The following HSD17B4 variants were observed in gnomAD, a reference collection of about 807,000 sequenced individuals.
HSD17B4 encodes the protein peroxisomal multifunctional enzyme type 2.
Under a neutral mutation model 101.0 loss-of-function variants are expected in HSD17B4, and 70 were observed. The ratio of observed to expected loss-of-function variants is 0.69; its 90% CI spans 0.57 to 0.85. The LOEUF (loss-of-function observed/expected upper bound fraction) is 0.85, where lower values mean the gene tolerates loss of function less well. HSD17B4 is among the 40% of genes least tolerant of loss of function. The pLI, the probability that HSD17B4 is intolerant of heterozygous loss-of-function variation, is 0.00. For missense variants in HSD17B4, 984 were observed against 892.4 expected, an observed-to-expected ratio of 1.10 and a Z score of -1.31; for synonymous variants, 347 against 297.1, an observed-to-expected ratio of 1.17 and a Z score of -1.73.
chr5:119,472,244 T>A (rs1274085146), intron 2 of HSD17B4, among the ~76,000 whole-genome samples: 2 of 152,352 alleles, frequency 1.3e-5, no homozygotes, highest in East Asian at 3.9e-4. Context: ...AAATCACCAT[T>A]CTTATACATA....
chr5:119,511,807 T>C (rs1483504696), intron 16 of HSD17B4, among the ~76,000 whole-genome samples: 2 of 152,340 alleles, frequency 1.3e-5, no homozygotes, highest in African/African-American at 4.8e-5. Context: ...TCTAGAGTTG[T>C]TATAATCTAT....
intron 22 of HSD17B4, chr5:119,535,885 A>G (rs370824891): frequency 1.2e-5 from 2 of 163,896 alleles, no homozygotes; most frequent in African/African-American, 2.4e-5. Flanking sequence ...TTTGTAAAGT[A>G]TATATCTTAA....
At chr5:119,493,106 C>A (rs953958864) in intron 10 of HSD17B4, 12 of 152,224 alleles carry the variant, frequency 7.9e-5, no homozygotes, top group African/African-American at 2.9e-4. Context: ...AATAGGAAAG[C>A]TCTAGACACA....
chr5:119,496,399 A>G, intron 11 of HSD17B4, 144 bp from the exon 12 acceptor site: 3 of 643,732 alleles, frequency 4.7e-6, no homozygotes, highest in Non-Finnish European at 2.8e-6. Context: ...ATAGCCTGAC[A>G]TACATTCAGT....
intron 21 of HSD17B4, 85 bp from the exon 22 acceptor site, chr5:119,531,180 CT>C (rs1754061055): frequency 3.4e-5 from 47 of 1,382,780 alleles, no homozygotes; most frequent in Middle Eastern, 1.9e-4. Flanking sequence ...TTTAAAAAAT[CT>C]TTTTTTTGCA....
intron 2 of HSD17B4, among the ~76,000 whole-genome samples, chr5:119,458,537 T>G (rs116613975): frequency 0.1 from 15,343 of 148,958 alleles, 1,054 homozygotes; most frequent in African/African-American, 0.19. Context: ...TAAGTAAAGA[T>G]GCGGTTTCAC....
intron 6 of HSD17B4, chr5:119,476,671 G>T: frequency 1.0e-6 from 1 of 985,510 alleles, no homozygotes; most frequent in South Asian, 4.7e-5. Flanking sequence ...GATAGGATTT[G>T]CTGGCAAAGG....
intron 14 of HSD17B4, among the ~76,000 whole-genome samples, chr5:119,503,945 T>C (rs1751425740): frequency 6.6e-6 from 1 of 152,004 alleles, no homozygotes; most frequent in South Asian, 2.1e-4. Flanking sequence ...CTCCCTACTC[T>C]AGTAGTCCCC....
intron 2 of HSD17B4, chr5:119,472,675 C>T (rs1199059534): frequency 6.6e-6 from 1 of 152,260 alleles, no homozygotes; most frequent in Non-Finnish European, 1.5e-5. Context: ...CTCAGGTGAT[C>T]CACCCGCCTC....
intron 1 of HSD17B4, 180 bp downstream of exon 1, chr5:119,452,813 C>T: frequency 3.3e-6 from 5 of 1,537,494 alleles, no homozygotes; most frequent in Middle Eastern, 1.7e-4. Flanking sequence ...CACCTGGTCT[C>T]TCAAGCAGGT....
At chr5:119,508,162 C>T (rs1217412819) in intron 15 of HSD17B4, among the ~76,000 whole-genome samples, 2 of 151,786 alleles carry the variant, frequency 1.3e-5, no homozygotes, top group Admixed American at 1.3e-4. Context: ...CAGATGTTGG[C>T]CAACACTTGG....
At chr5:119,452,767 A>G in intron 1 of HSD17B4, 134 bp downstream of exon 1, 1 of 1,571,462 alleles carries the variant, frequency 6.4e-7, no homozygotes, top group South Asian at 1.1e-5. Flanking sequence ...GTTATTCTTG[A>G]GGCACCGCAT....
intron 2 of HSD17B4, among the ~76,000 whole-genome samples, chr5:119,465,933 C>T (rs1483365270): frequency 6.6e-6 from 1 of 152,092 alleles, no homozygotes; most frequent in Non-Finnish European, 1.5e-5. Context: ...CAGCTGTTCC[C>T]TGTTGAGTGT....
At chr5:119,534,450 C>G (rs1479603716) in intron 22 of HSD17B4, among the ~76,000 whole-genome samples, 1 of 151,902 alleles carries the variant, frequency 6.6e-6, no homozygotes, top group South Asian at 2.1e-4. Flanking sequence ...TATTTTGAAT[C>G]TTAGACATTT....
At chr5:119,527,654 CA>C (rs1448097333) in intron 20 of HSD17B4, among the ~76,000 whole-genome samples, 1 of 151,886 alleles carries the variant, frequency 6.6e-6, no homozygotes, top group East Asian at 1.9e-4. Context: ...TATGATAAAA[CA>C]TGTTCGAAAA....
intron 6 of HSD17B4, 35 bp from the exon 7 acceptor site, chr5:119,477,382 A>G (rs1210541720): frequency 7.0e-7 from 1 of 1,436,072 alleles, no homozygotes; most frequent in Non-Finnish European, 9.7e-7. Context: ...CTAAGTTTTT[A>G]CAAAATATTT....
chr5:119,524,252 A>T (rs939245059), intron 17 of HSD17B4, among the ~76,000 whole-genome samples: 4 of 152,132 alleles, frequency 2.6e-5, no homozygotes, highest in Non-Finnish European at 5.9e-5. Flanking sequence ...TATTGGAATT[A>T]TACAAAGCAT....
intron 22 of HSD17B4, among the ~76,000 whole-genome samples, chr5:119,535,283 A>G (rs1754440251): frequency 6.6e-6 from 1 of 152,056 alleles, no homozygotes; most frequent in Non-Finnish European, 1.5e-5. Flanking sequence ...GATCTTGTTA[A>G]TATTTCAATT....
intron 6 of HSD17B4, chr5:119,476,706 GTGC>G: frequency 3.0e-6 from 3 of 985,422 alleles, no homozygotes; most frequent in Non-Finnish European, 2.4e-6. Context: ...GCTTTTCTTG[GTGC>G]TGCAACGGGA....
Sources: gnomAD v4.1 joint callset for allele counts (sites outside exome capture counted in the v4.1 genomes callset) on GRCh38, gnomAD v4.1.1 for gene constraint, MANE v1.5 for transcripts, NCBI Gene and HGNC (gene_info 2026-07-23, HGNC 2026-07-21) for gene names.